Variants in RIPOR2 observed in about 807,000 individuals in gnomAD.
RIPOR2 encodes rho family-interacting cell polarization regulator 2.
RIPOR2 carries 39 observed loss-of-function variants against 114.5 expected under a neutral mutation model. The ratio of observed to expected loss-of-function variants is 0.34; its 90% CI spans 0.26 to 0.44. The LOEUF (loss-of-function observed/expected upper bound fraction) is 0.44. Ranked by LOEUF, RIPOR2 falls within the 20% of genes least tolerant of loss-of-function variation. RIPOR2 has a pLI of 1.00. For missense variants in RIPOR2, 1,007 were observed against 1,255.1 expected (o/e 0.80, Z 2.99); for synonymous variants, 445 against 484.4 (o/e 0.92, Z 1.07).
chr6:25,000,965 T>G (rs1236223608), intron 1 of RIPOR2, among the ~76,000 whole-genome samples: 1 of 152,236 alleles, frequency 6.6e-6, no homozygotes, highest in Non-Finnish European at 1.5e-5. Context: ...CCAGTCAGTA[T>G]GTTCAGGAAA....
chr6:24,930,101 G>T (rs1771268047), intron 1 of RIPOR2, among the ~76,000 whole-genome samples: 2 of 152,114 alleles, frequency 1.3e-5, no homozygotes, highest in Admixed American at 1.3e-4. Flanking sequence ...GGCATAGTTA[G>T]CCAGATAAAT....
chr6:24,837,640 G>A (rs1412915378), intron 14 of RIPOR2, among the ~76,000 whole-genome samples: 2 of 152,186 alleles, frequency 1.3e-5, no homozygotes, highest in Non-Finnish European at 2.9e-5. Context: ...GAACTACTGA[G>A]TTCAAGCAGT....
At chr6:24,910,766 C>A in intron 1 of RIPOR2, 1 of 974,984 alleles carries the variant, frequency 1.0e-6, no homozygotes, top group Non-Finnish European at 1.2e-6. Flanking sequence ...GACCTCACCG[C>A]GTTGTACGCA....
chr6:24,884,001 A>T (rs1426966273), intron 1 of RIPOR2, among the ~76,000 whole-genome samples: 2 of 152,320 alleles, frequency 1.3e-5, no homozygotes, highest in East Asian at 3.9e-4. Context: ...CTAAAGATAC[A>T]CGTCTGCTTA....
At chr6:24,930,745 G>A (rs574154736) in intron 1 of RIPOR2, among the ~76,000 whole-genome samples, 1 of 152,302 alleles carries the variant, frequency 6.6e-6, no homozygotes, top group East Asian at 1.9e-4. Context: ...CAGGAATTCG[G>A]GGGTGGAAAT....
intron 7 of RIPOR2, among the ~76,000 whole-genome samples, chr6:24,864,592 A>C (rs1195819435): frequency 1.3e-5 from 2 of 152,122 alleles, no homozygotes; most frequent in Non-Finnish European, 2.9e-5. Flanking sequence ...GACTCATGGG[A>C]TAGTGAGGAG....
At chr6:24,987,208 G>A (rs533216037) in intron 1 of RIPOR2, among the ~76,000 whole-genome samples, 28 of 152,314 alleles carry the variant, frequency 1.8e-4, no homozygotes, top group Middle Eastern at 3.4e-3. Context: ...ACAGCCAGGC[G>A]GACAAGTGTG....
intron 1 of RIPOR2, among the ~76,000 whole-genome samples, chr6:24,995,430 A>T (rs1775003349): frequency 6.6e-6 from 1 of 152,194 alleles, no homozygotes; most frequent in Non-Finnish European, 1.5e-5. Context: ...GAGTAGGGGC[A>T]AGTGGCCACG....
intron 1 of RIPOR2, among the ~76,000 whole-genome samples, chr6:25,006,127 C>T (rs556134538): frequency 4.3e-4 from 66 of 152,234 alleles, no homozygotes; most frequent in African/African-American, 1.5e-3. Flanking sequence ...TCTCTAATCC[C>T]TCCACTCAGA....
intron 1 of RIPOR2, among the ~76,000 whole-genome samples, chr6:24,891,158 C>T (rs76476062): frequency 0.025 from 3,789 of 152,154 alleles, 153 homozygotes; most frequent in African/African-American, 0.081. Flanking sequence ...ACGTGTGTGC[C>T]GTCATATGCC....
chr6:24,856,521 G>A (rs1281076529), intron 8 of RIPOR2, among the ~76,000 whole-genome samples: 1 of 152,178 alleles, frequency 6.6e-6, no homozygotes, highest in Non-Finnish European at 1.5e-5. Flanking sequence ...TTGGGAGGCC[G>A]AGGTGGGCGG....
intron 1 of RIPOR2, among the ~76,000 whole-genome samples, chr6:24,934,564 G>A (rs1771628601): frequency 1.3e-5 from 2 of 152,286 alleles, no homozygotes; most frequent in South Asian, 4.1e-4. Flanking sequence ...TTTCTTCAGC[G>A]AACTTGTATT....
chr6:24,837,966 T>A (rs1761265537), intron 14 of RIPOR2, among the ~76,000 whole-genome samples: 1 of 152,204 alleles, frequency 6.6e-6, no homozygotes, highest in Admixed American at 6.5e-5. Flanking sequence ...GAGCGGGCAA[T>A]CCACCCCCAT....
chr6:24,870,844 C>T (rs776891801), intron 5 of RIPOR2, 22 bp downstream of exon 5: 1 of 1,596,144 alleles, frequency 6.3e-7, no homozygotes, highest in Non-Finnish European at 8.6e-7. Flanking sequence ...TATTAGCACC[C>T]CAACACGGAA....
intron 1 of RIPOR2, among the ~76,000 whole-genome samples, chr6:24,879,577 G>A (rs1766155593): frequency 6.6e-6 from 1 of 152,268 alleles, no homozygotes; most frequent in East Asian, 1.9e-4. Context: ...AAACAAGCAC[G>A]CACACACACA....
chr6:24,850,052 C>T, intron 10 of RIPOR2, 102 bp from the exon 11 acceptor site: 1 of 861,428 alleles, frequency 1.2e-6, no homozygotes, highest in Non-Finnish European at 1.8e-6. Context: ...TCATTTCTTT[C>T]AGAATCATAT....
chr6:24,904,440 G>T (rs917096077), intron 1 of RIPOR2, among the ~76,000 whole-genome samples: 4 of 152,142 alleles, frequency 2.6e-5, no homozygotes, highest in Admixed American at 2.0e-4. Flanking sequence ...GCAGGGGAAG[G>T]TTCTCTGCTT....
chr6:25,035,890 G>A (rs1777225433), intron 1 of RIPOR2, among the ~76,000 whole-genome samples: 1 of 152,158 alleles, frequency 6.6e-6, no homozygotes, highest in Non-Finnish European at 1.5e-5. Flanking sequence ...TGAAGACAGT[G>A]GTATTTAGAA....
At chr6:24,834,385 C>T (rs1760934605) in intron 15 of RIPOR2, among the ~76,000 whole-genome samples, 1 of 152,166 alleles carries the variant, frequency 6.6e-6, no homozygotes, top group Non-Finnish European at 1.5e-5. Context: ...CTCACCCTGA[C>T]TCTTGTCTTC....
Sources: allele counts gnomAD v4.1 joint callset (sites outside exome capture counted in the v4.1 genomes callset), GRCh38; gene constraint gnomAD v4.1.1; transcripts MANE v1.5; gene names NCBI Gene and HGNC (gene_info 2026-07-23, HGNC 2026-07-21).